The following UGT1A10 variants were observed in gnomAD, a reference collection of about 807,000 sequenced individuals.
UGT1A10 encodes the protein UDP glucuronosyltransferase family 1 member A10.
In UGT1A10, 49 loss-of-function variants were observed where a neutral mutation model predicts 45.8. That is an observed-to-expected ratio of 1.07 (90% CI 0.85 to 1.36). The LOEUF (loss-of-function observed/expected upper bound fraction) is 1.36, where lower values mean the gene tolerates loss of function less well. Among genes scored for constraint, UGT1A10 ranks in the 40% most tolerant of loss-of-function variants. UGT1A10 has a pLI of 0.00. For missense variants in UGT1A10, 745 were observed against 668.6 expected (o/e 1.11, Z -1.26); for synonymous variants, 284 against 249.7 (o/e 1.14, Z -1.29).
intron 1 of UGT1A10, chr2:233,719,110 C>T (rs2076727288): frequency 1.9e-6 from 3 of 1,614,270 alleles, no homozygotes; most frequent in Non-Finnish European, 2.5e-6. Context: ...CTGGGCTACA[C>T]TCAAGGGTTC....
intron 1 of UGT1A10, chr2:233,740,712 A>G (rs1392705535): frequency 6.6e-6 from 1 of 151,804 alleles, no homozygotes; most frequent in Non-Finnish European, 1.5e-5. Context: ...CAAGAGGGTC[A>G]TCTTTGCACC....
At chr2:233,660,872 C>T (rs1433336441) in intron 1 of UGT1A10, among the ~76,000 whole-genome samples, 1 of 152,092 alleles carries the variant, frequency 6.6e-6, no homozygotes, top group Non-Finnish European at 1.5e-5. Context: ...GCAGAAGTTG[C>T]TTCTGTTATC....
chr2:233,768,895 A>G (rs962281870), intron 4 of UGT1A10, among the ~76,000 whole-genome samples: 6 of 152,074 alleles, frequency 3.9e-5, no homozygotes, highest in African/African-American at 1.4e-4. Context: ...GGATTTATAA[A>G]TAAGATAATT....
intron 1 of UGT1A10, among the ~76,000 whole-genome samples, chr2:233,670,666 A>G (rs1484792303): frequency 6.6e-6 from 1 of 152,062 alleles, no homozygotes; most frequent in Non-Finnish European, 1.5e-5. Context: ...TGAATTTCTC[A>G]CAGATTCATA....
intron 1 of UGT1A10, among the ~76,000 whole-genome samples, chr2:233,647,398 A>G (rs1284336563): frequency 2.6e-5 from 4 of 152,210 alleles, no homozygotes; most frequent in Non-Finnish European, 5.9e-5. Flanking sequence ...TGTTGGTCTC[A>G]CAGAATGAAT....
intron 1 of UGT1A10, among the ~76,000 whole-genome samples, chr2:233,696,335 C>T (rs1189013784): frequency 6.6e-6 from 1 of 152,172 alleles, no homozygotes; most frequent in Non-Finnish European, 1.5e-5. Context: ...TTTCCTTATA[C>T]AGATCTTTCA....
Position 233,636,709 on chromosome 2 carries a change from A to C in UGT1A10, c.187A>C (p.Ser63Arg), listed in dbSNP as rs148236957. ...GGTGGTTGTAGTCATGCCAGAGGTG[A>C]GTTGGCAACTGGAAAGATCACTGAA... The part of the protein sequence containing the change: ...HEVVVVMPEV[S>R]WQLERSLNCT... The change falls in exon 1 of 5, where the codon AGT becomes CGT. Residue 63 changes from serine (S) to arginine (R), a missense_variant. By Grantham distance (110) the Ser-to-Arg change is moderately radical (BLOSUM62 -1). Coordinates refer to ENST00000344644, the MANE Select transcript of UGT1A10 (RefSeq NM_019075.4). 1.5e-5 allele frequency: 25 copies of C among 1,613,984 alleles called. No individual in the cohort carries two copies. The highest frequency in any genetic ancestry group is 2.0e-5 in the Non-Finnish European group (24 of 1,180,002).
chr2:233,636,987 A>T lies in UGT1A10; in HGVS notation c.465A>T (p.Leu155Phe). The change falls in exon 1 of 5, where the codon TTA becomes TTT. Residue 155 changes from leucine (L) to phenylalanine (F), a missense_variant. Transcript: ENST00000344644. ...TGGATCCTTTTGATACCTGTGGCTT[A>T]ATTGTTGCTAAATATTTCTCCCTCC... ...VFLDPFDTCG[L>F]IVAKYFSLPS... The T allele has an allele frequency of 1.9e-6, 3 of 1,614,056 alleles. No homozygotes were observed. The highest frequency in any genetic ancestry group is 2.5e-6 in the Non-Finnish European group (3 of 1,180,014).
intron 1 of UGT1A10, chr2:233,743,500 G>C (rs1692320466): frequency 7.3e-7 from 1 of 1,366,958 alleles, no homozygotes; most frequent in African/African-American, 1.5e-5. Flanking sequence ...AGAGAAAAGG[G>C]GTGCAGACGC....
chr2:233,684,122 A>T (rs2125528106), intron 1 of UGT1A10, among the ~76,000 whole-genome samples: 1 of 152,280 alleles, frequency 6.6e-6, no homozygotes, highest in South Asian at 2.1e-4. Flanking sequence ...CTGGCTTCTT[A>T]CAAAGTTCAG....
chr2:233,715,991 A>G (rs1360718293), intron 1 of UGT1A10, among the ~76,000 whole-genome samples: 1 of 152,166 alleles, frequency 6.6e-6, no homozygotes, highest in Non-Finnish European at 1.5e-5. Context: ...AAAACACAAC[A>G]AAACCCAAAA....
At chr2:233,759,226 A>C (rs1435521106) in intron 1 of UGT1A10, among the ~76,000 whole-genome samples, 2 of 152,174 alleles carry the variant, frequency 1.3e-5, no homozygotes, top group African/African-American at 4.8e-5. Flanking sequence ...TATGCAAATG[A>C]AGGATGGAAA....
At chr2:233,645,556 A>C (rs562047121) in intron 1 of UGT1A10, among the ~76,000 whole-genome samples, 2 of 152,326 alleles carry the variant, frequency 1.3e-5, no homozygotes, top group African/African-American at 4.8e-5. Context: ...GGGTAAATAC[A>C]CCATTCCAAC....
intron 1 of UGT1A10, among the ~76,000 whole-genome samples, chr2:233,655,930 T>C (rs1384866547): frequency 1.3e-5 from 2 of 152,178 alleles, no homozygotes; most frequent in African/African-American, 4.8e-5. Flanking sequence ...ACTGAAAAAT[T>C]ACAGAATTAT....
chr2:233,681,823 A>T, intron 1 of UGT1A10: 1 of 1,501,462 alleles, frequency 6.7e-7, no homozygotes. Context: ...TTTTTTTTAA[A>T]TGAATGAATA....
chr2:233,729,702 C>T, intron 1 of UGT1A10: 4 of 1,613,950 alleles, frequency 2.5e-6, no homozygotes, highest in Non-Finnish European at 3.4e-6. Context: ...ACCCTTCCTC[C>T]TATATTCCTA....
At chr2:233,764,522 C>G (rs1698581178) in intron 1 of UGT1A10, among the ~76,000 whole-genome samples, 1 of 152,138 alleles carries the variant, frequency 6.6e-6, no homozygotes, top group Non-Finnish European at 1.5e-5. Context: ...TGAATCACAT[C>G]CTGCTGATTG....
At chr2:233,767,806 A>G in intron 2 of UGT1A10, 43 bp from the exon 3 acceptor site, 1 of 1,614,116 alleles carries the variant, frequency 6.2e-7, no homozygotes, top group Non-Finnish European at 8.5e-7. Flanking sequence ...TTCTAATCAT[A>G]TTATGTTCTT....
chr2:233,743,212 C>A, intron 1 of UGT1A10: 1 of 401,146 alleles, frequency 2.5e-6, no homozygotes, highest in Admixed American at 3.1e-5. Context: ...TGCGGAGTAA[C>A]TGCTCTTTGC....
Sources: gnomAD v4.1 joint callset for allele counts (sites outside exome capture counted in the v4.1 genomes callset) on GRCh38, gnomAD v4.1.1 for gene constraint, MANE v1.5 for transcripts, NCBI Gene and HGNC (gene_info 2026-07-23, HGNC 2026-07-21) for gene names.